Variants in FMN1 observed in about 807,000 individuals in gnomAD.
The protein encoded by FMN1 is formin-1.
Under a neutral mutation model 132.4 loss-of-function variants are expected in FMN1, and 110 were observed. The ratio of observed to expected loss-of-function variants is 0.83; its 90% CI spans 0.71 to 0.97. The LOEUF is 0.97. Among genes scored for constraint, FMN1 ranks in the 50% least tolerant of loss-of-function variants. FMN1 has a pLI of 0.00. For synonymous variants in FMN1, 722 were observed against 651.7 expected (o/e 1.11, Z -1.64); for missense variants, 1,792 against 1,705.3 (o/e 1.05, Z -0.90).
chr15:32,843,905 G>C (rs533956007), intron 17 of FMN1, among the ~76,000 whole-genome samples: 15 of 152,184 alleles, frequency 9.9e-5, no homozygotes, highest in Admixed American at 6.5e-4. Context: ...TCCTTAACGA[G>C]AAGACCAGTT....
intron 6 of FMN1, among the ~76,000 whole-genome samples, chr15:33,024,916 G>A (rs1404899651): frequency 6.6e-6 from 1 of 152,052 alleles, no homozygotes; most frequent in African/African-American, 2.4e-5. Context: ...CTATACATAC[G>A]AATGCAGATA....
intron 3 of FMN1, among the ~76,000 whole-genome samples, chr15:33,159,907 G>A (rs1430664181): frequency 1.3e-5 from 2 of 152,198 alleles, no homozygotes; most frequent in Admixed American, 6.5e-5. Flanking sequence ...ATGTATGGGG[G>A]AAAACCCTAT....
chr15:33,056,306 A>G (rs191678636), intron 6 of FMN1, among the ~76,000 whole-genome samples: 44 of 152,368 alleles, frequency 2.9e-4, no homozygotes, highest in African/African-American at 9.6e-4. Flanking sequence ...TAAGTTTAAC[A>G]AAGTTTAATT....
chr15:33,165,302 T>C (rs1965053421), intron 3 of FMN1, among the ~76,000 whole-genome samples: 1 of 152,252 alleles, frequency 6.6e-6, no homozygotes, highest in Middle Eastern at 3.2e-3. Context: ...AATGGTTGCA[T>C]ATGTTACATC....
chr15:33,055,516 A>C (rs1336425552), intron 6 of FMN1, among the ~76,000 whole-genome samples: 2 of 152,194 alleles, frequency 1.3e-5, no homozygotes, highest in African/African-American at 4.8e-5. Context: ...AGTGGAACAG[A>C]ATACAGCCCA....
chr15:33,048,651 C>CA lies in FMN1; in HGVS notation c.2161+16305dup, dbSNP rs1338668794. Among the ~76,000 whole-genome samples the CA allele has an allele frequency of 3.6e-3, 435 of 120,134 alleles. 54 individuals carry two copies. The highest frequency in any genetic ancestry group is 0.012 in the African/African-American group (402 of 33,288). The allele number at this position is 120,134 out of a possible 152,430, so 78.8% of individuals were successfully genotyped here. ...TTTACCAAAAAAAAAAAAAAAAAAC[C>CA]AACAGTTTAATGGACTTACAGTTCC... On this transcript the variant is annotated intron_variant, in intron 6 of 20. Transcript: ENST00000616417.
intron 9 of FMN1, among the ~76,000 whole-genome samples, chr15:32,927,612 A>G (rs923531720): frequency 2.0e-5 from 3 of 152,198 alleles, no homozygotes; most frequent in Non-Finnish European, 2.9e-5. Flanking sequence ...TAGAAACTCC[A>G]CATACCTCAT....
intron 19 of FMN1, among the ~76,000 whole-genome samples, chr15:32,795,605 G>A (rs1047761613): frequency 2.0e-5 from 3 of 151,798 alleles, no homozygotes; most frequent in African/African-American, 7.3e-5. Flanking sequence ...GGGGGTGGCA[G>A]GGTGAAGGGT....
chr15:32,957,295 GTTCTTTTT>G (rs1398561184), intron 9 of FMN1, among the ~76,000 whole-genome samples: 3 of 74,106 alleles, frequency 4.0e-5, no homozygotes, highest in Non-Finnish European at 8.8e-5. Context: ...TATCAGAGCA[GTTCTTTTT>G]TTTTTTTTTT....
chr15:32,909,456 G>A (rs2060505257), intron 11 of FMN1, among the ~76,000 whole-genome samples: 1 of 152,198 alleles, frequency 6.6e-6, no homozygotes, highest in Admixed American at 6.5e-5. Flanking sequence ...CTTGTACTAA[G>A]TAGCTCCTGA....
intron 7 of FMN1, among the ~76,000 whole-genome samples, chr15:33,000,451 GAAA>G (rs35351686): frequency 1.7e-5 from 2 of 115,652 alleles, no homozygotes; most frequent in Non-Finnish European, 3.4e-5. Flanking sequence ...TCCATCTCAG[GAAA>G]AAAAAAAAAA....
intron 6 of FMN1, among the ~76,000 whole-genome samples, chr15:33,047,607 A>G (rs1340129970): frequency 6.6e-6 from 1 of 152,162 alleles, no homozygotes; most frequent in African/African-American, 2.4e-5. Context: ...ATCCCTCTCG[A>G]AATCTAAGGT....
chr15:32,943,366 T>C (rs1307347200), intron 9 of FMN1, among the ~76,000 whole-genome samples: 1 of 152,196 alleles, frequency 6.6e-6, no homozygotes, highest in Admixed American at 6.5e-5. Context: ...ATCAAACTAG[T>C]GTTATCTCTT....
intron 15 of FMN1, among the ~76,000 whole-genome samples, chr15:32,889,391 C>T (rs1293395515): frequency 6.6e-6 from 1 of 152,174 alleles, no homozygotes; most frequent in Non-Finnish European, 1.5e-5. Flanking sequence ...GCACAGGCTA[C>T]TTTGCCAGCT....
chr15:32,833,405 G>A (rs1401347745), intron 17 of FMN1, among the ~76,000 whole-genome samples: 1 of 152,074 alleles, frequency 6.6e-6, no homozygotes, highest in East Asian at 1.9e-4. Context: ...TAAGGGAGAA[G>A]ACCCACAGAA....
chr15:32,794,188 T>A (rs2057194636), intron 19 of FMN1, among the ~76,000 whole-genome samples: 1 of 151,994 alleles, frequency 6.6e-6, no homozygotes, highest in African/African-American at 2.4e-5. Flanking sequence ...AACAGCCCCC[T>A]CGCCCCCAAA....
chr15:32,909,994 C>G (rs1195459733), intron 11 of FMN1, among the ~76,000 whole-genome samples: 1 of 152,162 alleles, frequency 6.6e-6, no homozygotes, highest in African/African-American at 2.4e-5. Context: ...GTAGACACAG[C>G]TGGACCTCAA....
rs552944589 is a variant in FMN1 at position 32,777,376 on chromosome 15, C to T, written c.4131-457G>A. On this transcript the variant is annotated intron_variant, in intron 19 of 20. Transcript: ENST00000616417. The stretch of plus-strand genomic sequence containing the variant: ...ATAGAATGGGAAAAAAGATAACCTA[C>T]GGAATGGGAAAATATAAATATATGT... Among the ~76,000 whole-genome samples, 46 of 150,188 alleles carry T rather than the reference C, an allele frequency of 3.1e-4. No individual in the cohort carries two copies. The South Asian group carries it at 9.2e-3, about 30-fold the overall frequency.
intron 5 of FMN1, among the ~76,000 whole-genome samples, chr15:33,085,562 T>C (rs549500848): frequency 2.7e-5 from 4 of 149,300 alleles, no homozygotes; most frequent in Non-Finnish European, 5.9e-5. Flanking sequence ...TATACATATA[T>C]ACATATGCAT....
Sources: gnomAD v4.1 joint callset for allele counts (sites outside exome capture counted in the v4.1 genomes callset) on GRCh38, gnomAD v4.1.1 for gene constraint, MANE v1.5 for transcripts, NCBI Gene and HGNC (gene_info 2026-07-23, HGNC 2026-07-21) for gene names.